DCC: variants seen among roughly 807,000 people sequenced by gnomAD.
DCC encodes netrin receptor DCC.
DCC carries 58 observed loss-of-function variants against 172.5 expected under a neutral mutation model. That is an observed-to-expected ratio of 0.34 (90% CI 0.27 to 0.42). The LOEUF (loss-of-function observed/expected upper bound fraction) is 0.42, where lower values mean the gene tolerates loss of function less well. DCC is among the 10% of genes least tolerant of loss of function. The pLI, the probability that DCC is intolerant of heterozygous loss-of-function variation, is 1.00. For synonymous variants in DCC, 709 were observed against 644.5 expected (o/e 1.10, Z -1.52); for missense variants, 1,740 against 1,791.0 (o/e 0.97, Z 0.51).
intron 7 of DCC, among the ~76,000 whole-genome samples, chr18:53,146,769 A>G (rs1028203204): frequency 6.6e-6 from 1 of 152,248 alleles, no homozygotes; most frequent in East Asian, 1.9e-4. Flanking sequence ...TACAATAGCA[A>G]CAAGGAATTA....
intron 7 of DCC, among the ~76,000 whole-genome samples, chr18:53,154,338 T>C (rs566862033): frequency 2.6e-5 from 4 of 152,252 alleles, no homozygotes; most frequent in Admixed American, 2.6e-4. Context: ...CTCCCAAATG[T>C]AGTACTTGAA....
intron 3 of DCC, among the ~76,000 whole-genome samples, chr18:52,909,242 A>G (rs559829053): frequency 2.0e-5 from 3 of 152,318 alleles, no homozygotes; most frequent in Non-Finnish European, 2.9e-5. Flanking sequence ...TATATAATAC[A>G]TATGTGTGTA....
intron 15 of DCC, among the ~76,000 whole-genome samples, chr18:53,363,995 A>T (rs2057975453): frequency 1.3e-5 from 2 of 152,206 alleles, no homozygotes; most frequent in Non-Finnish European, 2.9e-5. Flanking sequence ...TACTTGGATA[A>T]GTCTGTTAAG....
chr18:52,522,447 A>G (rs984688944), intron 1 of DCC, among the ~76,000 whole-genome samples: 2 of 152,160 alleles, frequency 1.3e-5, no homozygotes, highest in African/African-American at 4.8e-5. Context: ...AGAACTAACA[A>G]CACTCTCCCG....
chr18:52,544,263 T>C (rs1446360984), intron 1 of DCC, among the ~76,000 whole-genome samples: 1 of 152,206 alleles, frequency 6.6e-6, no homozygotes, highest in Non-Finnish European at 1.5e-5. Flanking sequence ...TGTCCTGCTG[T>C]CATTGGCTCT....
At chr18:52,684,484 A>G (rs866550389) in intron 1 of DCC, among the ~76,000 whole-genome samples, 3 of 152,008 alleles carry the variant, frequency 2.0e-5, no homozygotes, top group African/African-American at 7.2e-5. Context: ...TCAATATGCA[A>G]CACATCAGTC....
intron 1 of DCC, among the ~76,000 whole-genome samples, chr18:52,418,663 A>G (rs545731179): frequency 6.6e-6 from 1 of 152,136 alleles, no homozygotes; most frequent in South Asian, 2.1e-4. Flanking sequence ...CAACACATTC[A>G]CAGGTGCAAC....
intron 1 of DCC, among the ~76,000 whole-genome samples, chr18:52,618,416 AT>A (rs1274960337): frequency 6.6e-6 from 1 of 152,154 alleles, no homozygotes; most frequent in East Asian, 1.9e-4. Flanking sequence ...TCTTTATCGT[AT>A]TTAACCAAAA....
intron 1 of DCC, among the ~76,000 whole-genome samples, chr18:52,423,316 T>G (rs16954959): frequency 6.6e-6 from 1 of 152,136 alleles, no homozygotes; most frequent in South Asian, 2.1e-4. Context: ...ATCTTCAAAC[T>G]GGGGGATCTG....
At chr18:53,163,655 G>T (rs1326309820) in intron 8 of DCC, among the ~76,000 whole-genome samples, 1 of 152,246 alleles carries the variant, frequency 6.6e-6, no homozygotes, top group East Asian at 1.9e-4. Flanking sequence ...CAACCCCTTG[G>T]GGTGCTTTTA....
rs536353781 is a variant in DCC, at chr18:53,443,432, A to G, written c.3230-7068A>G. Among the ~76,000 whole-genome samples, 7 of 152,326 alleles carry G rather than the reference A, an allele frequency of 4.6e-5. No individual in the cohort carries two copies. The East Asian group carries it at 1.4e-3, about 29-fold the overall frequency. On this transcript the variant is annotated intron_variant, in intron 22 of 28. Coordinates refer to ENST00000442544, the MANE Select transcript of DCC (RefSeq NM_005215.4). ...CCCACTGTAGAGACCTATTGCTTAGACAAAAAGATTCATTTCAAAATATTA... is the reference window on the plus strand; with the variant it reads ...CCCACTGTAGAGACCTATTGCTTAGGCAAAAAGATTCATTTCAAAATATTA...
chr18:52,791,595 A>T (rs922091288), intron 2 of DCC, among the ~76,000 whole-genome samples: 5 of 152,056 alleles, frequency 3.3e-5, no homozygotes, highest in African/African-American at 9.7e-5. Flanking sequence ...ATGCTCACCC[A>T]AGTGGCTCTA....
chr18:53,106,631 T>C (rs1598807875), intron 7 of DCC, among the ~76,000 whole-genome samples: 1 of 151,920 alleles, frequency 6.6e-6, no homozygotes, highest in South Asian at 2.1e-4. Flanking sequence ...GGGATCCTGA[T>C]CTAGACCCCA....
intron 1 of DCC, among the ~76,000 whole-genome samples, chr18:52,418,893 C>T (rs1285171761): frequency 2.8e-5 from 4 of 144,016 alleles, no homozygotes; most frequent in Non-Finnish European, 3.0e-5. Context: ...TGGAGTCTCA[C>T]CCTGTTACCC....
intron 1 of DCC, among the ~76,000 whole-genome samples, chr18:52,378,550 T>A (rs757414787): frequency 6.6e-6 from 1 of 152,020 alleles, no homozygotes; most frequent in Non-Finnish European, 1.5e-5. Context: ...ATATATATAC[T>A]TTTTTTGAGA....
chr18:53,019,525 C>T (rs772830531), intron 5 of DCC, among the ~76,000 whole-genome samples: 1 of 152,094 alleles, frequency 6.6e-6, no homozygotes, highest in Admixed American at 6.5e-5. Context: ...AATAGTTCAT[C>T]CCACCAGCCT....
intron 2 of DCC, among the ~76,000 whole-genome samples, chr18:52,856,482 C>G (rs971247121): frequency 1.3e-5 from 2 of 151,630 alleles, no homozygotes; most frequent in Admixed American, 6.6e-5. Flanking sequence ...AAAAAATAGC[C>G]GGGCGTGGTG....
intron 14 of DCC, among the ~76,000 whole-genome samples, chr18:53,333,450 T>C (rs556839231): frequency 1.3e-5 from 2 of 152,344 alleles, no homozygotes; most frequent in East Asian, 3.9e-4. Flanking sequence ...AAGTTCCAAC[T>C]GCCTGACACA....
chr18:52,982,977 A>G (rs1442345624), intron 5 of DCC, among the ~76,000 whole-genome samples: 1 of 152,150 alleles, frequency 6.6e-6, no homozygotes, highest in Non-Finnish European at 1.5e-5. Flanking sequence ...GATCATCAGT[A>G]TCTCCTGGTT....
Sources: allele counts gnomAD v4.1 joint callset (sites outside exome capture counted in the v4.1 genomes callset), GRCh38; gene constraint gnomAD v4.1.1; transcripts MANE v1.5; gene names NCBI Gene and HGNC (gene_info 2026-07-23, HGNC 2026-07-21).